SHOX: variants seen among roughly 807,000 people sequenced by gnomAD.
SHOX encodes the protein SHOX homeobox, also known as short stature homeobox protein.
SHOX carries 12 observed loss-of-function variants against 29.6 expected under a neutral mutation model. The observed-to-expected ratio is 0.41, with a 90% CI of 0.26 to 0.66. The LOEUF is 0.66. SHOX is among the 30% of genes least tolerant of loss of function. The probability of loss-of-function intolerance (pLI) is 0.35; values close to 1 mark genes in which losing one functional copy is unlikely to be tolerated. For missense variants in SHOX, 499 were observed against 437.7 expected (o/e 1.14, Z -1.25); for synonymous variants, 214 against 200.6 (o/e 1.07, Z -0.57).
At chrX:626,238 C>T (rs1474506731), upstream of SHOX, among the ~76,000 whole-genome samples, 1 of 150,050 alleles carries the variant, frequency 6.7e-6, no homozygotes. Context: ...CTCTGTCTCT[C>T]TTTCTCTCTC....
chrX:631,531 T>C (rs1213375380), intron 1 of SHOX, among the ~76,000 whole-genome samples: 3 of 66,148 alleles, frequency 4.5e-5, no homozygotes, highest in Admixed American at 1.6e-4. Flanking sequence ...CTTTCCTTTT[T>C]TTGTTTGTTT....
At chrX:652,842 A>C (rs1039190306), downstream of SHOX, among the ~76,000 whole-genome samples, 6 of 150,028 alleles carry the variant, frequency 4.0e-5, no homozygotes, top group African/African-American at 1.2e-4. Flanking sequence ...GTGTTAGCAG[A>C]GGTGCTTTTC....
chrX:627,038 TC>T (rs1386763208), upstream of SHOX, among the ~76,000 whole-genome samples: 1 of 145,546 alleles, frequency 6.9e-6, no homozygotes, highest in Non-Finnish European at 1.5e-5. Context: ...TCTCTCTATC[TC>T]TGTGACTCTT....
chrX:657,333 A>T (rs1017413089), intron 5 of SHOX, among the ~76,000 whole-genome samples: 2 of 152,200 alleles, frequency 1.3e-5, no homozygotes, highest in African/African-American at 4.8e-5. Flanking sequence ...CTGTTTAAAT[A>T]AAGCTTCCAG....
At position 651,115 on chromosome X, in the gene SHOX, T is replaced by TTTC. The variant is rs1332244783; in HGVS notation, c.*6479_*6480insTTC. 2 of 348,594 alleles carry TTTC rather than the reference T, an allele frequency of 5.7e-6. No individual in the cohort carries two copies. The highest frequency in any genetic ancestry group is 4.3e-5 in the African/African-American group (2 of 46,524). The allele number at this position is 348,594 out of a possible 1,614,324, so 21.6% of individuals were successfully genotyped here. A position where few individuals can be genotyped will look rare whatever the true frequency, so the allele number is the denominator to read the frequency against. ...TGTGCATTTGTTATTTATTTTTTTT[T>TTTC]CCTTGGTCGGACGTTCATAAATATG... On this transcript the variant is annotated 3_prime_UTR_variant, in exon 5 of 5. Coordinates refer to ENST00000686671, the MANE Select transcript of SHOX (RefSeq NM_000451.4).
At chrX:634,962 G>T (rs1260690995) in intron 2 of SHOX, 136 bp downstream of exon 2, 4 of 920,030 alleles carry the variant, frequency 4.3e-6, no homozygotes, top group East Asian at 2.6e-5. Context: ...GGTGAGGGAC[G>T]GGCTGGGGTT....
rs780215482 is a variant in SHOX at position 631,157 on chromosome X, C to T, written c.260C>T (p.Thr87Ile). 7.4e-6 allele frequency: 12 copies of T among 1,612,822 alleles called. No homozygotes were observed. In the East Asian group the frequency reaches 1.6e-4, roughly 21 times the overall value. Reference protein sequence around the residue: ...NDKEKLKEFGTARVAEGIYEC... With the variant: ...NDKEKLKEFGIARVAEGIYEC... ...AAGGAGAAACTGAAAGAATTCGGCA[C>T]CGCGAGAGTGGCAGAAGGTAAGTTC... The change falls in exon 1 of 5, where the codon ACC (threonine) becomes ATC (isoleucine). Residue 87 changes from threonine (T) to isoleucine (I), a missense_variant. Coordinates refer to ENST00000686671, the MANE Select transcript of SHOX (RefSeq NM_000451.4).
chrX:633,861 A>G (rs1158233309), intron 1 of SHOX, among the ~76,000 whole-genome samples: 1 of 152,130 alleles, frequency 6.6e-6, no homozygotes, highest in Non-Finnish European at 1.5e-5. Flanking sequence ...GAGGAAGAAA[A>G]GGTTTTTCAC....
At chrX:631,917 C>G (rs979284922) in intron 1 of SHOX, 10 of 455,996 alleles carry the variant, frequency 2.2e-5, no homozygotes, top group African/African-American at 2.0e-4. Context: ...GAGGAGCCGT[C>G]TCCACGCGCC....
chrX:638,676 C>T (rs2052798895), intron 2 of SHOX, among the ~76,000 whole-genome samples: 1 of 152,210 alleles, frequency 6.6e-6, no homozygotes, highest in African/African-American at 2.4e-5. Flanking sequence ...AGAGCAAGTT[C>T]ACGTTGCGCT....
chrX:658,293 G>A (rs144798512), intron 5 of SHOX, among the ~76,000 whole-genome samples: 4,149 of 151,732 alleles, frequency 0.027, 164 homozygotes, highest in African/African-American at 0.085. Context: ...TCTTTTTAGC[G>A]GGTATTAAAG....
upstream of SHOX, among the ~76,000 whole-genome samples, chrX:626,585 G>GTCTCTGTCTGTATC (rs1569492224): frequency 9.5e-4 from 22 of 23,204 alleles, no homozygotes; most frequent in African/African-American, 4.2e-3. Flanking sequence ...CTGTATCTCT[G>GTCTCTGTCTGTATC]TCTGTCTCTG....
In SHOX at chrX:641,013, A is replaced by G. The variant is rs752536855; in HGVS notation, c.559A>G (p.Thr187Ala). The change falls in exon 4 of 5, where the codon ACA (threonine) becomes GCA (alanine). Residue 187 changes from threonine to alanine, a missense_variant. Transcript: ENST00000686671. The part of the protein sequence containing the change: ...NQMHKGVILG[T>A]ANHLDACRVA... ...TTTGGACACAGGCGTCATCTTGGGC[A>G]CAGCCAACCACCTAGACGCCTGCCG... The G allele has an allele frequency of 6.8e-6, 11 of 1,613,820 alleles. No homozygotes were observed. In the South Asian group the frequency reaches 1.2e-4, roughly 18 times the overall value.
At position 642,227 on chromosome X, in the gene SHOX, C is replaced by CCGGCTG. The variant is rs1046228106; in HGVS notation, c.633+1144_633+1149dup. On this transcript the variant is annotated intron_variant, in intron 4 of 4. Transcript: ENST00000686671. ...CCTGCCTGAACGCGCAGCGCAGCGC[C>CCGGCTG]CGGCTGCGGTGCCCCTTGCCCCTTC... 3.3e-5 allele frequency among the ~76,000 whole-genome samples: 5 copies of CCGGCTG among 152,140 alleles called. No individual in the cohort carries two copies. In the Middle Eastern group the frequency reaches 0.01, roughly 310 times the overall value.
At position 645,388 on chromosome X, in the gene SHOX, G is replaced by GTTTT. The variant is rs1398738646; in HGVS notation, c.*753_*754insTTTT. On this transcript the variant is annotated 3_prime_UTR_variant, in exon 5 of 5. Coordinates refer to ENST00000686671, the MANE Select transcript of SHOX (RefSeq NM_000451.4). Reference sequence around the variant, plus strand: ...TTGGGTCTGGTTTTGTTTTGGATTGGTATTTTTTTTTTTTTTTTTTTTTTT... The same window carrying GTTTT: ...TTGGGTCTGGTTTTGTTTTGGATTGGTTTTTATTTTTTTTTTTTTTTTTTTTTTT... 2.5e-3 allele frequency: 197 copies of GTTTT among 77,700 alleles called. 16 individuals are homozygous for GTTTT. Among genetic ancestry groups the GTTTT allele is most frequent in the African/African-American group, 5.2e-3 (127 of 24,340 alleles). 4.8% of individuals were successfully genotyped at this position (77,700 alleles called of 1,614,324 possible).
Position 648,900 on chromosome X carries a change from C to CTTCG in SHOX, c.*4267_*4268insGTTC, listed in dbSNP as rs2053004487. Among the ~76,000 whole-genome samples, 2 of 148,202 alleles carry CTTCG rather than the reference C, an allele frequency of 1.3e-5. No homozygotes were observed. Among genetic ancestry groups the CTTCG allele is most frequent in the Admixed American group, 6.8e-5 (1 of 14,790 alleles). ...CTTCTCTCTCCCTTCTCCTTCCTTC[C>CTTCG]TTCCTTCCTTTCTTTCTTTTTCTTT... On this transcript the variant is annotated 3_prime_UTR_variant, in exon 5 of 5. Coordinates refer to ENST00000686671, the MANE Select transcript of SHOX (RefSeq NM_000451.4).
chrX:631,571 C>G (rs932024555), intron 1 of SHOX, among the ~76,000 whole-genome samples: 28 of 151,994 alleles, frequency 1.8e-4, no homozygotes, highest in Non-Finnish European at 2.5e-4. Flanking sequence ...TCGCTCTGTC[C>G]CCCAGGCTGG....
chrX:633,156 C>T (rs1424402667), intron 1 of SHOX, among the ~76,000 whole-genome samples: 2 of 152,156 alleles, frequency 1.3e-5, no homozygotes, highest in African/African-American at 4.8e-5. Flanking sequence ...CAAGTTAAAT[C>T]GAGGTTGGAG....
rs1569495999 is a variant in SHOX, at chrX:650,810, A to AAAAAAAAAC, written c.*6182_*6183insCAAAAAAAA. Among the ~76,000 whole-genome samples the AAAAAAAAAC allele has an allele frequency of 8.0e-5, 12 of 150,096 alleles. No homozygotes were observed. Among genetic ancestry groups the AAAAAAAAAC allele is most frequent in the African/African-American group, 2.4e-4 (10 of 40,834 alleles). ...TTGACATTAAAAAAAAAAAAAAAAA[A>AAAAAAAAAC]AAAAAAAAACTGGTGCCTAATTTAT... On this transcript the variant is annotated 3_prime_UTR_variant, in exon 5 of 5. Coordinates refer to ENST00000686671, the MANE Select transcript of SHOX (RefSeq NM_000451.4).
Sources: allele counts gnomAD v4.1 joint callset (sites outside exome capture counted in the v4.1 genomes callset), GRCh38; gene constraint gnomAD v4.1.1; transcripts MANE v1.5; gene names NCBI Gene and HGNC (gene_info 2026-07-23, HGNC 2026-07-21).